OCSTAMP: variants seen among roughly 807,000 people sequenced by gnomAD.
The protein encoded by OCSTAMP is osteoclast stimulatory transmembrane protein.
Under a neutral mutation model 25.2 loss-of-function variants are expected in OCSTAMP, and 17 were observed. The ratio of observed to expected loss-of-function variants is 0.68; its 90% CI spans 0.46 to 1.01. The LOEUF (loss-of-function observed/expected upper bound fraction) is 1.01. Ranked by LOEUF, OCSTAMP falls within the 50% of genes least tolerant of loss-of-function variation. The pLI is 0.00. For synonymous variants in OCSTAMP, 345 were observed against 318.9 expected, an observed-to-expected ratio of 1.08 and a Z score of -0.87; for missense variants, 664 against 694.6, an observed-to-expected ratio of 0.96 and a Z score of 0.50.
rs1422548864 is a variant in OCSTAMP, at chr20:46,545,584, T to A, written c.790A>T (p.Thr264Ser). Residue 264 changes from threonine to serine, a missense_variant, in exon 2 of 3, where the codon ACC (threonine) becomes TCC (serine). By Grantham distance (58) the Thr-to-Ser change is moderately conservative (BLOSUM62 1). Transcript: ENST00000279028. ...FDNIYATQQLTQRLAQAQATH... is the reference protein window; with the variant it reads ...FDNIYATQQLSQRLAQAQATH... ...GCCTGGGCCTGTGCCAACCGCTGGGTCAGCTGTTGAGTGGCGTAGATATTG... is the reference window on the plus strand; with the variant it reads ...GCCTGGGCCTGTGCCAACCGCTGGGACAGCTGTTGAGTGGCGTAGATATTG... 6.4e-7 allele frequency: 1 copy of A among 1,551,636 alleles called. No homozygotes were observed. The highest frequency in any genetic ancestry group is 2.0e-5 in the Admixed American group (1 of 51,010).
chr20:46,549,046 T>G (rs2061861993), intron 1 of OCSTAMP, among the ~76,000 whole-genome samples: 1 of 152,170 alleles, frequency 6.6e-6, no homozygotes, highest in Admixed American at 6.5e-5. Context: ...GTGGCCTTGT[T>G]GGAGGACCTG....
In OCSTAMP at chr20:46,546,054, GC is replaced by G; in HGVS notation, c.319del (p.Ala107HisfsTer43). 6.4e-7 allele frequency: 1 copy of G among 1,551,582 alleles called. No individual in the cohort carries two copies. Among genetic ancestry groups the G allele is most frequent in the Non-Finnish European group, 8.7e-7 (1 of 1,147,014 alleles). The stretch of plus-strand genomic sequence containing the variant: ...CATACCCAGGGTGGGCACGCTGAGT[GC>G]AAACAGGCAGCGGACTGGGGGTACC... ...GLVPPVRCLF[A>X]LSVPTLGMEQ... On this transcript the variant is annotated frameshift_variant, in exon 2 of 3. Transcript: ENST00000279028. LOFTEE classifies it high-confidence loss of function.
At position 46,541,694 on chromosome 20, in the gene OCSTAMP, A is replaced by C; in HGVS notation, c.1281T>G (p.His427Gln). The C allele has an allele frequency of 2.6e-6, 4 of 1,549,770 alleles. No homozygotes were observed. The highest frequency in any genetic ancestry group is 3.5e-6 in the Non-Finnish European group (4 of 1,146,862). ...LLEAYARRLR[H>Q]AIAASFFTAQ... ...CTGTGAAGAAGGAAGCGGCGATGGC[A>C]TGCCGCAGGCGGCGGGCGTAGGCCT... is the stretch of plus-strand genomic sequence containing the variant. Residue 427 changes from histidine to glutamine, a missense_variant, in exon 3 of 3, where the codon CAT becomes CAG. Physicochemically the swap from His to Gln is conservative, Grantham distance 24. Coordinates refer to ENST00000279028, the MANE Select transcript of OCSTAMP (RefSeq NM_080721.3).
rs1328615003 is a variant in OCSTAMP at position 46,545,864 on chromosome 20, T to A, written c.510A>T (p.Ala170=). The change falls in exon 2 of 3, where the codon GCA becomes GCT. Residue 170 remains alanine, a synonymous_variant. Coordinates refer to ENST00000279028, the MANE Select transcript of OCSTAMP (RefSeq NM_080721.3). The part of the protein sequence containing the change: ...LLNTTHQLHA[A]SRALGPTGQA... ...GGCCTGTGGGGCCCAGAGCCCTGGA[T>A]GCTGCATGCAGCTGGTGAGTGGTAT... 12 of 1,551,362 alleles carry A rather than the reference T, an allele frequency of 7.7e-6. No individual in the cohort carries two copies. Among genetic ancestry groups the A allele is most frequent in the Non-Finnish European group, 1.0e-5 (12 of 1,146,982 alleles).
At chr20:46,543,209 TCTTTCTTC>T (rs908257966) in intron 2 of OCSTAMP, among the ~76,000 whole-genome samples, 3 of 148,684 alleles carry the variant, frequency 2.0e-5, no homozygotes, top group African/African-American at 7.5e-5. Context: ...CTTCCTTTTT[TCTTTCTTC>T]CTTCCTTCCT....
At chr20:46,543,212 T>TCC (rs1282566704) in intron 2 of OCSTAMP, among the ~76,000 whole-genome samples, 5 of 148,714 alleles carry the variant, frequency 3.4e-5, no homozygotes, top group Non-Finnish European at 6.0e-5. Context: ...CCTTTTTTCT[T>TCC]TCTTCCTTCC....
intron 1 of OCSTAMP, 133 bp from the exon 2 acceptor site, chr20:46,546,462 CA>C: frequency 1.4e-6 from 1 of 736,878 alleles, no homozygotes; most frequent in Non-Finnish European, 2.2e-6. Flanking sequence ...CCAGGTGGAC[CA>C]ATCAGAGTAA....
chr20:46,543,043 T>C (rs1369171800), intron 2 of OCSTAMP, among the ~76,000 whole-genome samples: 1 of 152,040 alleles, frequency 6.6e-6, no homozygotes, highest in East Asian at 1.9e-4. Context: ...GCACAGAGAA[T>C]GATATTGGAG....
chr20:46,543,286 T>TCCTTCCTTC (rs58599900), intron 2 of OCSTAMP, among the ~76,000 whole-genome samples: 4 of 116,488 alleles, frequency 3.4e-5, no homozygotes, highest in South Asian at 6.5e-4. Flanking sequence ...TCTTTCTCTT[T>TCCTTCCTTC]CTTTCTCTCT....
rs2061867821 is a variant in OCSTAMP, at chr20:46,550,565, T to C, written c.-5A>G. On this transcript the variant is annotated 5_prime_UTR_variant, in exon 1 of 3. Transcript: ENST00000279028. Reference sequence around the variant, plus strand: ...TGCTCCTGGGTGGCCTGGCATGCTGTCCAAATGGCAGTGGTTTCAGGCGGG... The same window carrying C: ...TGCTCCTGGGTGGCCTGGCATGCTGCCCAAATGGCAGTGGTTTCAGGCGGG... 1.9e-6 allele frequency: 3 copies of C among 1,551,550 alleles called. No homozygotes were observed. Among genetic ancestry groups the C allele is most frequent in the Non-Finnish European group, 8.7e-7 (1 of 1,146,968 alleles).
chr20:46,545,601 T>C lies in OCSTAMP; in HGVS notation c.773A>G (p.Tyr258Cys), dbSNP rs1165257906. ...YLTDLRFDNI[Y>C]ATQQLTQRLA... is the part of the protein sequence containing the mutation. ...CCGCTGGGTCAGCTGTTGAGTGGCG[T>C]AGATATTGTCAAACCGCAGGTCTGT... Residue 258 changes from tyrosine (Y) to cysteine (C), a missense_variant, in exon 2 of 3, where the codon TAC becomes TGC. By Grantham distance (194) the Tyr-to-Cys change is radical. Coordinates refer to ENST00000279028, the MANE Select transcript of OCSTAMP (RefSeq NM_080721.3). The C allele has an allele frequency of 3.2e-6, 5 of 1,551,488 alleles. No individual in the cohort carries two copies. Among genetic ancestry groups the C allele is most frequent in the Non-Finnish European group, 3.5e-6 (4 of 1,146,998 alleles).
At chr20:46,548,386 G>A (rs1422062153) in intron 1 of OCSTAMP, among the ~76,000 whole-genome samples, 1 of 152,214 alleles carries the variant, frequency 6.6e-6, no homozygotes, top group Admixed American at 6.5e-5. Flanking sequence ...CTACAATAGT[G>A]TCTGCCATGT....
intron 2 of OCSTAMP, 138 bp from the exon 3 acceptor site, chr20:46,542,065 A>G: frequency 1.6e-6 from 2 of 1,272,898 alleles, no homozygotes; most frequent in Non-Finnish European, 2.0e-6. Context: ...GGGTTTGAGG[A>G]GGACCCAATG....
chr20:46,546,130 C>G lies in OCSTAMP; in HGVS notation c.244G>C (p.Ala82Pro). Reference protein sequence around the residue: ...SLLLYPPGPSAMVATVCGLLV... With the variant: ...SLLLYPPGPSPMVATVCGLLV... ...AGGCCACAGACAGTGGCAACCATGG[C>G]TGAAGGTCCAGGAGGATAAAGCAGC... The change falls in exon 2 of 3, where the codon GCC (alanine) becomes CCC (proline). Residue 82 changes from alanine (A) to proline (P), a missense_variant. Ala to Pro is a conservative substitution (Grantham distance 27, BLOSUM62 -1). Coordinates refer to ENST00000279028, the MANE Select transcript of OCSTAMP (RefSeq NM_080721.3). The G allele has an allele frequency of 1.3e-6, 2 of 1,551,762 alleles. No individual in the cohort carries two copies. Among genetic ancestry groups the G allele is most frequent in the Non-Finnish European group, 8.7e-7 (1 of 1,147,010 alleles).
rs2061852371 is a variant in OCSTAMP at position 46,546,250 on chromosome 20, G to A, written c.124C>T (p.Pro42Ser). 1 of 1,551,042 alleles carries A rather than the reference G, an allele frequency of 6.4e-7. No homozygotes were observed. The highest frequency in any genetic ancestry group is 1.4e-5 in the African/African-American group (1 of 73,050). ...GTCAGCAGCTGGCCACAGCTGGCTG[G>A]AACAGGCTGGGAGAAGGCGTCCCAG... ...AAWDAFSQPV[P>S]ASCGQLLTQL... is the part of the protein sequence containing the mutation. The change falls in exon 2 of 3, where the codon CCA becomes TCA. Residue 42 changes from proline (P) to serine (S), a missense_variant. Physicochemically the swap from Pro to Ser is moderately conservative, Grantham distance 74. Coordinates refer to ENST00000279028, the MANE Select transcript of OCSTAMP (RefSeq NM_080721.3).
chr20:46,541,865 G>A lies in OCSTAMP; in HGVS notation c.1110C>T (p.Pro370=). ...GGTAGGAGCTGTGGACGGAGAGGAA[G>A]GGGCTCTCCGGAGCCAGCTGGTTGA... ...FLFNQLAPES[P]FLSVHSSYQW... Residue 370 remains proline (P), a synonymous_variant, in exon 3 of 3, where the codon CCC becomes CCT. Coordinates refer to ENST00000279028, the MANE Select transcript of OCSTAMP (RefSeq NM_080721.3). 6.8e-7 allele frequency: 1 copy of A among 1,467,278 alleles called. No individual in the cohort carries two copies. Among genetic ancestry groups the A allele is most frequent in the Non-Finnish European group, 9.0e-7 (1 of 1,113,730 alleles). 90.9% of individuals were successfully genotyped at this position (1,467,278 alleles called of 1,614,324 possible). A position where few individuals can be genotyped will look rare whatever the true frequency, so the allele number is the denominator to read the frequency against.
chr20:46,541,159 T>A lies in OCSTAMP; in HGVS notation c.*115A>T. On this transcript the variant is annotated 3_prime_UTR_variant, in exon 3 of 3. Transcript: ENST00000279028. ...AGAAATTCATGATGCAAGGTCTCCA[T>A]CTAACAAGTAGAGCAGTTGGTGCAG... 3.2e-6 allele frequency: 2 copies of A among 623,998 alleles called. No individual in the cohort carries two copies. Among genetic ancestry groups the A allele is most frequent in the South Asian group, 3.9e-5 (2 of 51,138 alleles). The allele number at this position is 623,998 out of a possible 1,614,324, so 38.7% of individuals were successfully genotyped here.
chr20:46,550,553 C>T lies in OCSTAMP; in HGVS notation c.8G>A (p.Gly3Asp), dbSNP rs1171953161. 1 of 1,551,552 alleles carries T rather than the reference C, an allele frequency of 6.4e-7. No homozygotes were observed. Among genetic ancestry groups the T allele is most frequent in the Non-Finnish European group, 8.7e-7 (1 of 1,146,968 alleles). Residue 3 changes from glycine to aspartate, a missense_variant, in exon 1 of 3, where the codon GGC (glycine) becomes GAC (aspartate). Physicochemically the swap from Gly to Asp is moderately conservative, Grantham distance 94. Transcript: ENST00000279028. The stretch of plus-strand genomic sequence containing the variant: ...AAGTTGCTCAGCTGCTCCTGGGTGG[C>T]CTGGCATGCTGTCCAAATGGCAGTG... MP[G>D]HPGAAEQLVK...
intron 2 of OCSTAMP, among the ~76,000 whole-genome samples, chr20:46,544,087 T>G (rs1601102066): frequency 1.3e-5 from 2 of 152,272 alleles, no homozygotes; most frequent in South Asian, 4.1e-4. Context: ...GGTGCATGCC[T>G]GTAGTCTCAG....
Sources: gnomAD v4.1 joint callset for allele counts (sites outside exome capture counted in the v4.1 genomes callset) on GRCh38, gnomAD v4.1.1 for gene constraint, MANE v1.5 for transcripts, NCBI Gene and HGNC (gene_info 2026-07-23, HGNC 2026-07-21) for gene names.